Variants in ARRDC4 observed in about 807,000 individuals in gnomAD.
ARRDC4 encodes arrestin domain containing 4, also known as arrestin domain-containing protein 4.
ARRDC4 carries 40 observed loss-of-function variants against 44.6 expected under a neutral mutation model. The ratio of observed to expected loss-of-function variants is 0.90; its 90% CI spans 0.70 to 1.17. The LOEUF (loss-of-function observed/expected upper bound fraction) is 1.17. Ranked by LOEUF, ARRDC4 falls within the 50% of genes most tolerant of loss-of-function variation. The probability of loss-of-function intolerance (pLI) is 0.00; values close to 1 mark genes in which losing one functional copy is unlikely to be tolerated. For missense variants in ARRDC4, 550 were observed against 559.1 expected (o/e 0.98, Z 0.16); for synonymous variants, 211 against 221.2 (o/e 0.95, Z 0.41).
chr15:97,960,951 C>T lies in ARRDC4; in HGVS notation c.90C>T (p.Gly30=). ...LGLVFEDERK[G]CYSSGETVAG... ...TGGTGTTCGAGGACGAGCGCAAGGGCTGCTATTCCAGCGGCGAGACAGTGG... is the reference window on the plus strand; with the variant it reads ...TGGTGTTCGAGGACGAGCGCAAGGGTTGCTATTCCAGCGGCGAGACAGTGG... The change falls in exon 1 of 8, where the codon GGC becomes GGT. Residue 30 remains glycine, a synonymous_variant. Transcript: ENST00000268042. 6.8e-7 allele frequency: 1 copy of T among 1,470,524 alleles called. No homozygotes were observed. 91.1% of individuals were successfully genotyped at this position (1,470,524 alleles called of 1,614,324 possible).
Position 97,968,777 on chromosome 15 carries a change from C to T in ARRDC4, c.626-346C>T, listed in dbSNP as rs545056562. On this transcript the variant is annotated intron_variant, in intron 4 of 7. Coordinates refer to ENST00000268042, the MANE Select transcript of ARRDC4 (RefSeq NM_183376.3). The surrounding 1 kb of genome is among the most constrained non-coding windows in gnomAD (Gnocchi z 5.4). ...TAGGCAGATTTTAATTTGATAAGCACTAATGAGTTTGTTAGTGATCTTTTA... is the reference window on the plus strand; with the variant it reads ...TAGGCAGATTTTAATTTGATAAGCATTAATGAGTTTGTTAGTGATCTTTTA... 3.9e-5 allele frequency among the ~76,000 whole-genome samples: 6 copies of T among 152,286 alleles called. No homozygotes were observed. The South Asian group carries it at 1.0e-3, about 26-fold the overall frequency.
rs552018759 is a variant in ARRDC4 at position 97,967,354 on chromosome 15, A to C, written c.523-660A>C. On this transcript the variant is annotated intron_variant, in intron 3 of 7. Coordinates refer to ENST00000268042, the MANE Select transcript of ARRDC4 (RefSeq NM_183376.3). The surrounding 1 kb of genome is among the most constrained non-coding windows in gnomAD (Gnocchi z 5.0). ...GAAAGCTTTGGTGTGTGTAACTCGTAAACTGAACATTGTAAATCTTGTAGT... is the reference window on the plus strand; with the variant it reads ...GAAAGCTTTGGTGTGTGTAACTCGTCAACTGAACATTGTAAATCTTGTAGT... 6.6e-6 allele frequency among the ~76,000 whole-genome samples: 1 copy of C among 152,202 alleles called. No homozygotes were observed. The highest frequency in any genetic ancestry group is 1.5e-5 in the Non-Finnish European group (1 of 68,038).
At position 97,961,138 on chromosome 15, in the gene ARRDC4, G is replaced by A. The variant is rs2141531016; in HGVS notation, c.277G>A (p.Val93Met). 1.4e-6 allele frequency: 2 copies of A among 1,453,142 alleles called. No homozygotes were observed. Among genetic ancestry groups the A allele is most frequent in the Middle Eastern group, 2.5e-4 (1 of 4,056 alleles). The allele number at this position is 1,453,142 out of a possible 1,614,324, so 90.0% of individuals were successfully genotyped here. A position where few individuals can be genotyped will look rare whatever the true frequency, so the allele number is the denominator to read the frequency against. The change falls in exon 1 of 8, where the codon GTG (valine) becomes ATG (methionine). Residue 93 changes from valine to methionine, a missense_variant. Val to Met is a conservative substitution (Grantham distance 21, BLOSUM62 1). Coordinates refer to ENST00000268042, the MANE Select transcript of ARRDC4 (RefSeq NM_183376.3). ...CTTCTCGGAGGTGGAGTACCTGAAC[G>A]TGCGCCTCAGCCTGCGGGAGCCCCC... is the stretch of plus-strand genomic sequence containing the variant. ...AVFSEVEYLN[V>M]RLSLREPPAG...
chr15:97,960,990 G>T lies in ARRDC4; in HGVS notation c.129G>T (p.Leu43=). The T allele has an allele frequency of 6.9e-7, 1 of 1,455,910 alleles. No individual in the cohort carries two copies. Among genetic ancestry groups the T allele is most frequent in the Non-Finnish European group, 9.1e-7 (1 of 1,103,282 alleles). 90.2% of individuals were successfully genotyped at this position (1,455,910 alleles called of 1,614,324 possible). A position where few individuals can be genotyped will look rare whatever the true frequency, so the allele number is the denominator to read the frequency against. ...GCGAGACAGTGGCCGGGCACGTGCT[G>T]CTGGAGGCGTCCGAGCCGGTGGCCC... ...SSGETVAGHV[L]LEASEPVALR... is the part of the protein sequence containing the mutation. The change falls in exon 1 of 8, where the codon CTG becomes CTT. Residue 43 remains leucine, a synonymous_variant. Coordinates refer to ENST00000268042, the MANE Select transcript of ARRDC4 (RefSeq NM_183376.3).
At chr15:97,964,366 T>C (rs1282083753) in intron 1 of ARRDC4, among the ~76,000 whole-genome samples, 1 of 152,204 alleles carries the variant, frequency 6.6e-6, no homozygotes, top group East Asian at 1.9e-4. Context: ...GTTCTGTCTC[T>C]GTGTTCCGAT....
Position 97,970,084 on chromosome 15 carries a change from C to A in ARRDC4, c.1045+39C>A. On this transcript the variant is annotated intron_variant, in intron 6 of 7. Transcript: ENST00000268042. This position sits in a 1 kb window ranked among gnomAD's most constrained non-coding sequence, Gnocchi z 4.2. ...GCGTTCTTTCATAACGAAGCTTTAC[C>A]TAGAAAATACCTAGGAACAGAATAT... 6.3e-7 allele frequency: 1 copy of A among 1,583,972 alleles called. No individual in the cohort carries two copies. The highest frequency in any genetic ancestry group is 1.1e-5 in the South Asian group (1 of 89,090).
chr15:97,970,165 T>A lies in ARRDC4; in HGVS notation c.1045+120T>A. The A allele has an allele frequency of 9.2e-7, 1 of 1,092,234 alleles. No homozygotes were observed. Among genetic ancestry groups the A allele is most frequent in the Non-Finnish European group, 1.2e-6 (1 of 808,832 alleles). 67.7% of individuals were successfully genotyped at this position (1,092,234 alleles called of 1,614,324 possible). On this transcript the variant is annotated intron_variant, in intron 6 of 7. Coordinates refer to ENST00000268042, the MANE Select transcript of ARRDC4 (RefSeq NM_183376.3). The surrounding 1 kb of genome is among the most constrained non-coding windows in gnomAD (Gnocchi z 4.2). ...GTACTGCTACTATAGGTATCTTTAT[T>A]CCTACTACTAAAAAATCAGAAAGCA...
At chr15:97,961,377 C>T (rs1211341030) in intron 1 of ARRDC4, among the ~76,000 whole-genome samples, 1 of 152,190 alleles carries the variant, frequency 6.6e-6, no homozygotes, top group African/African-American at 2.4e-5. Context: ...GCCCGCCGGG[C>T]CTGACCGGGA....
intron 1 of ARRDC4, among the ~76,000 whole-genome samples, chr15:97,962,518 A>C (rs527372750): frequency 6.6e-6 from 1 of 152,306 alleles, no homozygotes; most frequent in South Asian, 2.1e-4. Flanking sequence ...GAGTCAATAG[A>C]TGTAAAATTA....
In ARRDC4 at chr15:97,970,438, T is replaced by C. The variant is rs112580081; in HGVS notation, c.1046-151T>C. 1,722 of 726,546 alleles carry C rather than the reference T, an allele frequency of 2.4e-3. 21 individuals carry two copies. The highest frequency in any genetic ancestry group is 8.5e-3 in the African/African-American group (479 of 56,624). 45.0% of individuals were successfully genotyped at this position (726,546 alleles called of 1,614,324 possible). The stretch of plus-strand genomic sequence containing the variant: ...TTTAATAAAAGGAGAATCTATTTTT[T>C]ATTGTAATATGCATAAAACCTTGCT... On this transcript the variant is annotated intron_variant, in intron 6 of 7. Coordinates refer to ENST00000268042, the MANE Select transcript of ARRDC4 (RefSeq NM_183376.3). The surrounding 1 kb of genome is among the most constrained non-coding windows in gnomAD (Gnocchi z 4.2).
In ARRDC4 at chr15:97,966,783, G is replaced by A. The variant is rs1288069853; in HGVS notation, c.522+741G>A. On this transcript the variant is annotated intron_variant, in intron 3 of 7. Coordinates refer to ENST00000268042, the MANE Select transcript of ARRDC4 (RefSeq NM_183376.3). The surrounding 1 kb of genome is among the most constrained non-coding windows in gnomAD (Gnocchi z 4.7). ...TTCATGATAGCTACTAGGACCTAATGGTTCTTCATTTAAATATGAATGAAT... is the reference window on the plus strand; with the variant it reads ...TTCATGATAGCTACTAGGACCTAATAGTTCTTCATTTAAATATGAATGAAT... 1.3e-5 allele frequency among the ~76,000 whole-genome samples: 2 copies of A among 152,064 alleles called. No individual in the cohort carries two copies. Among genetic ancestry groups the A allele is most frequent in the East Asian group, 1.9e-4 (1 of 5,196 alleles).
rs1899544810 is a variant in ARRDC4, at chr15:97,973,236, T to C, written c.*2049T>C. 1.3e-5 allele frequency: 2 copies of C among 152,576 alleles called. No homozygotes were observed. The highest frequency in any genetic ancestry group is 4.1e-4 in the South Asian group (2 of 4,832). 9.5% of individuals were successfully genotyped at this position (152,576 alleles called of 1,614,324 possible). A position where few individuals can be genotyped will look rare whatever the true frequency, so the allele number is the denominator to read the frequency against. ...GAGAAGAGAAAGTTTAATTATTTGG[T>C]TCCATCTAGAAAAGCAACAACTTAA... On this transcript the variant is annotated 3_prime_UTR_variant, in exon 8 of 8. Coordinates refer to ENST00000268042, the MANE Select transcript of ARRDC4 (RefSeq NM_183376.3).
Position 97,967,885 on chromosome 15 carries a change from A to G in ARRDC4, c.523-129A>G, listed in dbSNP as rs115624426. ...ATTTGGCCTAATATGTTACATGAGGATAAGAAAGTTTGATTCATTTTTTTG... is the reference window on the plus strand; with the variant it reads ...ATTTGGCCTAATATGTTACATGAGGGTAAGAAAGTTTGATTCATTTTTTTG... On this transcript the variant is annotated intron_variant, in intron 3 of 7. Transcript: ENST00000268042. This position sits in a 1 kb window ranked among gnomAD's most constrained non-coding sequence, Gnocchi z 5.0. The G allele has an allele frequency of 1.6e-3, 841 of 538,814 alleles. 7 individuals carry two copies. The highest frequency in any genetic ancestry group is 0.015 in the African/African-American group (767 of 50,944). The allele number at this position is 538,814 out of a possible 1,614,324, so 33.4% of individuals were successfully genotyped here.
rs1300754182 is a variant in ARRDC4 at position 97,968,098 on chromosome 15, A to G, written c.607A>G (p.Arg203Gly). ...AGTCTCGCTGAGTGCCAAAATTGAA[A>G]GAAAGGGATACTGTAATGGTAAGCA... ...GPVSLSAKIE[R>G]KGYCNGEAIP... The change falls in exon 4 of 8, where the codon AGA becomes GGA. Residue 203 changes from arginine (R) to glycine (G), a missense_variant. Transcript: ENST00000268042. The surrounding 1 kb of genome is among the most constrained non-coding windows in gnomAD (Gnocchi z 5.4). The G allele has an allele frequency of 6.2e-7, 1 of 1,601,730 alleles. No individual in the cohort carries two copies. Among genetic ancestry groups the G allele is most frequent in the Non-Finnish European group, 8.5e-7 (1 of 1,173,850 alleles).
rs1264904367 is a variant in ARRDC4, at chr15:97,972,368, T to C, written c.*1181T>C. The C allele has an allele frequency of 6.6e-6, 1 of 152,644 alleles. No homozygotes were observed. Among genetic ancestry groups the C allele is most frequent in the Non-Finnish European group, 1.5e-5 (1 of 68,028 alleles). 9.5% of individuals were successfully genotyped at this position (152,644 alleles called of 1,614,324 possible). ...ATGGCAGTCACTGCATTGTACATTATTCCAGTTCTTCAGTAATTCTGTTTA... is the reference window on the plus strand; with the variant it reads ...ATGGCAGTCACTGCATTGTACATTACTCCAGTTCTTCAGTAATTCTGTTTA... On this transcript the variant is annotated 3_prime_UTR_variant, in exon 8 of 8. Coordinates refer to ENST00000268042, the MANE Select transcript of ARRDC4 (RefSeq NM_183376.3). This position sits in a 1 kb window ranked among gnomAD's most constrained non-coding sequence, Gnocchi z 5.3.
intron 1 of ARRDC4, among the ~76,000 whole-genome samples, chr15:97,964,082 G>A (rs1899372180): frequency 1.3e-5 from 2 of 152,170 alleles, no homozygotes; most frequent in African/African-American, 2.4e-5. Context: ...TAAGTGGCAG[G>A]TGTGTCACTT....
rs1340391874 is a variant in ARRDC4 at position 97,960,891 on chromosome 15, C to A, written c.30C>A (p.Ala10=). 7.1e-7 allele frequency: 1 copy of A among 1,399,598 alleles called. No individual in the cohort carries two copies. The allele number at this position is 1,399,598 out of a possible 1,614,324, so 86.7% of individuals were successfully genotyped here. MGGEAGCAA[A]VGAEGRVKSL... The stretch of plus-strand genomic sequence containing the variant: ...GCGGGGAGGCTGGGTGCGCGGCGGC[C>A]GTGGGTGCCGAGGGCCGCGTGAAGA... The change falls in exon 1 of 8, where the codon GCC becomes GCA. Residue 10 remains alanine, a synonymous_variant. Transcript: ENST00000268042.
At chr15:97,963,813 C>G (rs11073592) in intron 1 of ARRDC4, among the ~76,000 whole-genome samples, 118,949 of 152,168 alleles carry the variant, frequency 0.78, 47,292 homozygotes, top group African/African-American at 0.92. Flanking sequence ...GTAAATACTT[C>G]GTCATGTTCT....
At chr15:97,962,277 C>T (rs1239255051) in intron 1 of ARRDC4, among the ~76,000 whole-genome samples, 1 of 152,178 alleles carries the variant, frequency 6.6e-6, no homozygotes, top group African/African-American at 2.4e-5. Flanking sequence ...GTGAGGAAAA[C>T]TATATTTGGA....
Sources: gnomAD v4.1 joint callset for allele counts (sites outside exome capture counted in the v4.1 genomes callset) on GRCh38, gnomAD v4.1.1 for gene constraint, Gnocchi (gnomAD v3.1) non-coding constraint, MANE v1.5 for transcripts, NCBI Gene and HGNC (gene_info 2026-07-23, HGNC 2026-07-21) for gene names.